Variants in TCHHL1 observed in about 807,000 individuals in gnomAD.
The protein encoded by TCHHL1 is trichohyalin-like protein 1.
A neutral mutation model predicts 3.5 loss-of-function variants in TCHHL1; 1 was observed. The ratio of observed to expected loss-of-function variants is 0.29; its 90% CI spans 0.10 to 1.36. The LOEUF (loss-of-function observed/expected upper bound fraction) is 1.36. TCHHL1 is among the 40% of genes most tolerant of loss of function. The probability of loss-of-function intolerance (pLI) is 0.43; values close to 1 mark genes in which losing one functional copy is unlikely to be tolerated. For missense variants in TCHHL1, 1,027 were observed against 1,032.8 expected (o/e 0.99, Z 0.08); for synonymous variants, 405 against 375.3 (o/e 1.08, Z -0.92).
chr1:152,088,514 C>A (rs1441595239), intron 1 of TCHHL1, among the ~76,000 whole-genome samples: 2 of 152,182 alleles, frequency 1.3e-5, no homozygotes, highest in Admixed American at 1.3e-4. Context: ...CCCATTCTTC[C>A]AGCCTCATCC....
chr1:152,085,141 A>G lies in TCHHL1; in HGVS notation c.2541T>C (p.Ser847=), dbSNP rs2101503573. ...ATGCTTGGCTGTAGTTGAAAAAGAC[A>G]GAACAATCTGAGATCTCACTGGTGA... is the stretch of plus-strand genomic sequence containing the variant. ...VSLTSEISDC[S]VFFNYSQASQ... Residue 847 remains serine, a synonymous_variant, in exon 3 of 3, where the codon TCT becomes TCC. Coordinates refer to ENST00000368806, the MANE Select transcript of TCHHL1 (RefSeq NM_001008536.2). 9.9e-6 allele frequency: 16 copies of G among 1,614,140 alleles called. No individual in the cohort carries two copies. The highest frequency in any genetic ancestry group is 1.4e-5 in the Non-Finnish European group (16 of 1,180,034).
At position 152,086,552 on chromosome 1, in the gene TCHHL1, C is replaced by A; in HGVS notation, c.1130G>T (p.Gly377Val). Residue 377 changes from glycine (G) to valine (V), a missense_variant, in exon 3 of 3, where the codon GGT becomes GTT. Physicochemically the swap from Gly to Val is moderately radical, Grantham distance 109. Coordinates refer to ENST00000368806, the MANE Select transcript of TCHHL1 (RefSeq NM_001008536.2). ...CETKDLPVQY[G>V]SRNGSETSDM... ...AGATGTTTCTGAACCATTTCTGCTA[C>A]CATATTGGACTGGCAGGTCCTTTGT... The A allele has an allele frequency of 6.2e-7, 1 of 1,614,192 alleles. No homozygotes were observed. The highest frequency in any genetic ancestry group is 8.5e-7 in the Non-Finnish European group (1 of 1,180,044).
intron 1 of TCHHL1, among the ~76,000 whole-genome samples, chr1:152,088,569 TC>T (rs550344464): frequency 1.6e-3 from 240 of 152,294 alleles, no homozygotes; most frequent in African/African-American, 5.2e-3. Flanking sequence ...CAGTCTAGCC[TC>T]CTGCGGTTAG....
chr1:152,086,395 G>A lies in TCHHL1; in HGVS notation c.1287C>T (p.Leu429=), dbSNP rs756565718. The A allele has an allele frequency of 3.1e-6, 5 of 1,614,060 alleles. No homozygotes were observed. In the Admixed American group the frequency reaches 5.0e-5, roughly 16 times the overall value. ...CATCTTTTGATTTTGATAATCCTTG[G>A]AGTTCCTGATACTTCCCATCCTGTG... ...TQTQDGKYQE[L]QGLSKSKDAE... is the part of the protein sequence containing the mutation. The change falls in exon 3 of 3, where the codon CTC becomes CTT. Residue 429 remains leucine (L), a synonymous_variant. Coordinates refer to ENST00000368806, the MANE Select transcript of TCHHL1 (RefSeq NM_001008536.2).
chr1:152,086,505 C>T lies in TCHHL1; in HGVS notation c.1177G>A (p.Glu393Lys). 2 of 1,614,198 alleles carry T rather than the reference C, an allele frequency of 1.2e-6. No individual in the cohort carries two copies. The highest frequency in any genetic ancestry group is 1.7e-6 in the Non-Finnish European group (2 of 1,180,030). ...CCATGGGCCTCAGGACCTCTCCTCT[C>T]TTTCCTTTCATCTCTCATGTCAGAT... is the stretch of plus-strand genomic sequence containing the variant. ...ETSDMRDERKERRGPEAHGTA... is the reference protein window; with the variant it reads ...ETSDMRDERKKRRGPEAHGTA... Residue 393 changes from glutamate (E) to lysine (K), a missense_variant, in exon 3 of 3, where the codon GAG becomes AAG. Physicochemically the swap from Glu to Lys is moderately conservative, Grantham distance 56. Transcript: ENST00000368806.
chr1:152,085,081 C>T lies in TCHHL1; in HGVS notation c.2601G>A (p.Glu867=). The change falls in exon 3 of 3, where the codon GAG becomes GAA. Residue 867 remains glutamate, a synonymous_variant. Transcript: ENST00000368806. The part of the protein sequence containing the change: ...QPYTRGLPLD[E]SPAGAQETPA... ...GTGTTTCCTGTGCACCAGCAGGACT[C>T]TCATCAAGTGGAAGTCCCCTGGTAT... 1 of 1,614,082 alleles carries T rather than the reference C, an allele frequency of 6.2e-7. No individual in the cohort carries two copies. The highest frequency in any genetic ancestry group is 8.5e-7 in the Non-Finnish European group (1 of 1,180,026).
rs771462113 is a variant in TCHHL1 at position 152,086,814 on chromosome 1, C to G, written c.868G>C (p.Glu290Gln). The G allele has an allele frequency of 1.2e-6, 2 of 1,614,096 alleles. No homozygotes were observed. The highest frequency in any genetic ancestry group is 1.7e-6 in the Non-Finnish European group (2 of 1,180,002). Residue 290 changes from glutamate to glutamine, a missense_variant, in exon 3 of 3, where the codon GAA becomes CAA. Around this residue, in one of 3 missense-constraint regions of TCHHL1, gnomAD observed 338 missense variants for 335.9 expected, o/e 1.01. Transcript: ENST00000368806. ...TCATCTTCTCTTTGTAGGGGTGGTT[C>G]TTGTATATTAGAGTGTTTTTCCTTT... The part of the protein sequence containing the change: ...TEKEKHSNIQ[E>Q]PPLQREDEPS...
At chr1:152,088,784 T>C (rs1420094757) in intron 1 of TCHHL1, among the ~76,000 whole-genome samples, 2 of 152,226 alleles carry the variant, frequency 1.3e-5, no homozygotes, top group Non-Finnish European at 2.9e-5. Flanking sequence ...CTGTGCCTTG[T>C]TGAATAATAT....
chr1:152,087,808 A>T (rs1414963618), intron 2 of TCHHL1, among the ~76,000 whole-genome samples, 198 bp downstream of exon 2: 1 of 152,240 alleles, frequency 6.6e-6, no homozygotes, highest in East Asian at 1.9e-4. Flanking sequence ...CAATAATCCC[A>T]GTGACGAAAA....
chr1:152,088,320 A>T (rs2935207), intron 1 of TCHHL1, among the ~76,000 whole-genome samples, 157 bp from the exon 2 acceptor site: 150,800 of 152,266 alleles, frequency 0.99, 74,687 homozygotes, highest in East Asian at 1. Context: ...GTGATTTAGT[A>T]TTGTACCAGA....
chr1:152,085,931 A>G lies in TCHHL1; in HGVS notation c.1751T>C (p.Val584Ala), dbSNP rs1572146539. Residue 584 changes from valine (V) to alanine (A), a missense_variant, in exon 3 of 3, where the codon GTG (valine) becomes GCG (alanine). Physicochemically the swap from Val to Ala is moderately conservative, Grantham distance 64 (BLOSUM62 0). This residue lies in a region of TCHHL1 where 673 missense variants were observed against 658.6 expected (regional missense o/e 1.02). Coordinates refer to ENST00000368806, the MANE Select transcript of TCHHL1 (RefSeq NM_001008536.2). ...QSQGDQHGES[V>A]QGGHNNNPDT... ...TGGGTTATTATTGTGACCTCCTTGC[A>G]CAGACTCTCCATGTTGGTCCCCTTG... 1 of 1,614,164 alleles carries G rather than the reference A, an allele frequency of 6.2e-7. No individual in the cohort carries two copies.
Position 152,085,207 on chromosome 1 carries a change from C to T in TCHHL1, c.2475G>A (p.Gln825=). 6.2e-7 allele frequency: 1 copy of T among 1,614,184 alleles called. No homozygotes were observed. Among genetic ancestry groups the T allele is most frequent in the East Asian group, 2.2e-5 (1 of 44,888 alleles). Residue 825 remains glutamine (Q), a synonymous_variant, in exon 3 of 3, where the codon CAG becomes CAA. Transcript: ENST00000368806. ...VTQEEHQKQV[Q]IAQASGPELC... is the part of the protein sequence containing the mutation. Reference sequence around the variant, plus strand: ...GCTCTGGGCCTGATGCCTGGGCTATCTGAACTTGCTTTTGATGCTCCTCTT... The same window carrying T: ...GCTCTGGGCCTGATGCCTGGGCTATTTGAACTTGCTTTTGATGCTCCTCTT...
Position 152,085,518 on chromosome 1 carries a change from C to T in TCHHL1, c.2164G>A (p.Glu722Lys). 6.2e-7 allele frequency: 1 copy of T among 1,614,210 alleles called. No homozygotes were observed. Among genetic ancestry groups the T allele is most frequent in the Non-Finnish European group, 8.5e-7 (1 of 1,180,046 alleles). The change falls in exon 3 of 3, where the codon GAA (glutamate) becomes AAA (lysine). Residue 722 changes from glutamate to lysine, a missense_variant. This residue lies in a region of TCHHL1 where 673 missense variants were observed against 658.6 expected (regional missense o/e 1.02). Transcript: ENST00000368806. ...RATEAQNTLL[E>K]SLDEDNSASL... The stretch of plus-strand genomic sequence containing the variant: ...GCTGAATTGTCCTCATCTAGACTTT[C>T]TAACAGAGTATTCTGGGCCTCTGTT...
In TCHHL1 at chr1:152,087,251, A is replaced by G. The variant is rs2101506715; in HGVS notation, c.431T>C (p.Leu144Pro). 1 of 1,613,890 alleles carries G rather than the reference A, an allele frequency of 6.2e-7. No homozygotes were observed. The highest frequency in any genetic ancestry group is 8.5e-7 in the Non-Finnish European group (1 of 1,179,990). Residue 144 changes from leucine (L) to proline (P), a missense_variant, in exon 3 of 3, where the codon CTC becomes CCC. Physicochemically the swap from Leu to Pro is moderately conservative, Grantham distance 98. Transcript: ENST00000368806. ...LPSGMASSSQ[L>P]IPEESGAVGN... ...AACTGCTCCACTTTCTTCAGGGATG[A>G]GCTGAGATGATGATGCCATTCCTGA... is the stretch of plus-strand genomic sequence containing the variant.
chr1:152,084,440 T>TG lies in TCHHL1; in HGVS notation c.*526_*527insC. 1 of 160,638 alleles carries TG rather than the reference T, an allele frequency of 6.2e-6. No homozygotes were observed. Among genetic ancestry groups the TG allele is most frequent in the East Asian group, 1.9e-4 (1 of 5,198 alleles). 10.0% of individuals were successfully genotyped at this position (160,638 alleles called of 1,614,324 possible). On this transcript the variant is annotated 3_prime_UTR_variant, in exon 3 of 3. Coordinates refer to ENST00000368806, the MANE Select transcript of TCHHL1 (RefSeq NM_001008536.2). ...ACATGAGCAGAGTCATAAATTTACT[T>TG]TAATCAAGTGCTAGAAAATCATAAT...
rs1247127824 is a variant in TCHHL1 at position 152,086,328 on chromosome 1, C to T, written c.1354G>A (p.Gly452Arg). 3.1e-6 allele frequency: 5 copies of T among 1,614,088 alleles called. No homozygotes were observed. The African/African-American group carries it at 4.0e-5, about 13-fold the overall frequency. ...SETQYLSSEG[G>R]DQTHPELEGT... ...TCAAGTTCAGGGTGAGTCTGATCTCCTCCTTCTGAGCTTAGATATTGTGTC... is the reference window on the plus strand; with the variant it reads ...TCAAGTTCAGGGTGAGTCTGATCTCTTCCTTCTGAGCTTAGATATTGTGTC... Residue 452 changes from glycine (G) to arginine (R), a missense_variant, in exon 3 of 3, where the codon GGA becomes AGA. Around this residue, in one of 3 missense-constraint regions of TCHHL1, gnomAD observed 673 missense variants for 658.6 expected, o/e 1.02. Transcript: ENST00000368806.
rs542201601 is a variant in TCHHL1, at chr1:152,085,788, C to G, written c.1894G>C (p.Glu632Gln). ...GTCCCTGGGCCTTGATTCTTGTGTT[C>G]TCCTCTGGCAGGCTGTTCCTGGTCC... ...TEDQEQPARG[E>Q]HKNQGPGTKG... The change falls in exon 3 of 3, where the codon GAA becomes CAA. Residue 632 changes from glutamate to glutamine, a missense_variant. Physicochemically the swap from Glu to Gln is conservative, Grantham distance 29. This residue lies in a region of TCHHL1 where 673 missense variants were observed against 658.6 expected (regional missense o/e 1.02). Coordinates refer to ENST00000368806, the MANE Select transcript of TCHHL1 (RefSeq NM_001008536.2). 6 of 1,614,168 alleles carry G rather than the reference C, an allele frequency of 3.7e-6. No individual in the cohort carries two copies. In the Admixed American group the frequency reaches 8.3e-5, roughly 22 times the overall value.
At position 152,085,287 on chromosome 1, in the gene TCHHL1, T is replaced by C. The variant is rs1233899030; in HGVS notation, c.2395A>G (p.Ser799Gly). Residue 799 changes from serine to glycine, a missense_variant, in exon 3 of 3, where the codon AGT (serine) becomes GGT (glycine). Physicochemically the swap from Ser to Gly is moderately conservative, Grantham distance 56 (BLOSUM62 0). Coordinates refer to ENST00000368806, the MANE Select transcript of TCHHL1 (RefSeq NM_001008536.2). ...TCCTGTAGGTACTGGTATAGTGGAC[T>C]GGAATAGACTGCACCCCTCTCCACA... Reference protein sequence around the residue: ...CSVERGAVYSSPLYQYLQEKI... With the variant: ...CSVERGAVYSGPLYQYLQEKI... 1.2e-6 allele frequency: 2 copies of C among 1,614,236 alleles called. No homozygotes were observed. The highest frequency in any genetic ancestry group is 4.5e-5 in the East Asian group (2 of 44,884).
Position 152,085,540 on chromosome 1 carries a change from T to G in TCHHL1, c.2142A>C (p.Thr714=), listed in dbSNP as rs1474969129. 3 of 1,614,242 alleles carry G rather than the reference T, an allele frequency of 1.9e-6. No individual in the cohort carries two copies. The East Asian group carries it at 6.7e-5, about 36-fold the overall frequency. ...TTTCTAACAGAGTATTCTGGGCCTC[T>G]GTTGCTCTTCCTTTCTCTTCTTTGC... is the stretch of plus-strand genomic sequence containing the variant. ...PSSKEEKGRA[T]EAQNTLLESL... Residue 714 remains threonine (T), a synonymous_variant, in exon 3 of 3, where the codon ACA becomes ACC. Transcript: ENST00000368806.
Sources: gnomAD v4.1 joint callset for allele counts (sites outside exome capture counted in the v4.1 genomes callset) on GRCh38, gnomAD v4.1.1 for gene constraint, gnomAD v4.1.1 regional missense constraint, MANE v1.5 for transcripts, NCBI Gene and HGNC (gene_info 2026-07-23, HGNC 2026-07-21) for gene names.